FAM13A: variants seen among roughly 807,000 people sequenced by gnomAD.
FAM13A encodes protein FAM13A.
FAM13A carries 76 observed loss-of-function variants against 129.6 expected under a neutral mutation model. The ratio of observed to expected loss-of-function variants is 0.59; its 90% CI spans 0.49 to 0.71. FAM13A has a LOEUF of 0.71. Among genes scored for constraint, FAM13A ranks in the 30% least tolerant of loss-of-function variants. The probability of loss-of-function intolerance (pLI) is 0.00; values close to 1 mark genes in which losing one functional copy is unlikely to be tolerated. For missense variants in FAM13A, 1,108 were observed against 1,249.3 expected, an observed-to-expected ratio of 0.89 and a Z score of 1.70; for synonymous variants, 443 against 449.9, an observed-to-expected ratio of 0.98 and a Z score of 0.20.
At chr4:88,763,780 A>G (rs1220581722) in intron 13 of FAM13A, among the ~76,000 whole-genome samples, 2 of 152,212 alleles carry the variant, frequency 1.3e-5, no homozygotes, top group Non-Finnish European at 2.9e-5. Flanking sequence ...AGAAACTACA[A>G]TATTAACCGA....
At chr4:88,821,968 C>T (rs747618315) in intron 7 of FAM13A, among the ~76,000 whole-genome samples, 94 of 152,018 alleles carry the variant, frequency 6.2e-4, no homozygotes, top group Non-Finnish European at 1.2e-3. Flanking sequence ...TTTTTCATTG[C>T]TAAAACAAAA....
At position 88,973,962 on chromosome 4, in the gene FAM13A, G is replaced by T. The variant is rs574402685; in HGVS notation, c.605+17011C>A. Among the ~76,000 whole-genome samples, 109 of 152,314 alleles carry T rather than the reference G, an allele frequency of 7.2e-4. 1 individual carries two copies. Among genetic ancestry groups the T allele is most frequent in the Middle Eastern group, 3.4e-3 (1 of 294 alleles). ...TTCCCCCAGGTCAGTTAGGCCCTGA[G>T]AAATCCCTGGCAGGTTAGGCTCTGG... On this transcript the variant is annotated intron_variant, in intron 4 of 23. Coordinates refer to ENST00000264344, the MANE Select transcript of FAM13A (RefSeq NM_014883.4).
intron 7 of FAM13A, among the ~76,000 whole-genome samples, chr4:88,829,299 T>G (rs1032809718): frequency 6.6e-6 from 1 of 151,932 alleles, no homozygotes; most frequent in South Asian, 2.1e-4. Context: ...ATTAGCAGGG[T>G]ATGGTGGTAT....
intron 1 of FAM13A, among the ~76,000 whole-genome samples, chr4:89,048,945 CAAA>C (rs1771208438): frequency 6.6e-6 from 1 of 151,898 alleles, no homozygotes; most frequent in Non-Finnish European, 1.5e-5. Context: ...TTAACAAAGA[CAAA>C]GAAGATTTAA....
In FAM13A at chr4:88,732,172, A is replaced by G. The variant is rs375140704; in HGVS notation, c.2673T>C (p.Asp891=). The G allele has an allele frequency of 4.1e-5, 66 of 1,612,308 alleles. No individual in the cohort carries two copies. Among genetic ancestry groups the G allele is most frequent in the South Asian group, 8.8e-5 (8 of 90,800 alleles). ...CCATGAAGTCTGGCTTCACATTGCT[A>G]TCGTCTTCTGACCCCTCCTCTTCTT... ...IKEEEEGSED[D]SNVKPDFMVT... is the part of the protein sequence containing the mutation. The change falls in exon 22 of 24, where the codon GAT becomes GAC. Residue 891 remains aspartate (D), a synonymous_variant. Transcript: ENST00000264344.
chr4:88,895,018 T>C (rs1034020589), intron 6 of FAM13A, among the ~76,000 whole-genome samples: 1 of 152,156 alleles, frequency 6.6e-6, no homozygotes, highest in Admixed American at 6.5e-5. Flanking sequence ...TTTATACTAA[T>C]GATAAATTAG....
chr4:88,758,618 G>T (rs1744181457), intron 14 of FAM13A, 136 bp downstream of exon 14: 3 of 842,878 alleles, frequency 3.6e-6, no homozygotes, highest in South Asian at 3.9e-5. Flanking sequence ...AAGGATTTTC[G>T]GTCATTTGGA....
At position 88,772,637 on chromosome 4, in the gene FAM13A, G is replaced by A. The variant is rs143810581; in HGVS notation, c.1459-4578C>T. On this transcript the variant is annotated intron_variant, in intron 11 of 23. Transcript: ENST00000264344. Reference sequence around the variant, plus strand: ...CCATGGTAATTAGAAAATATCATAAGCCAAAAATGCATTTAGTACACTTAA... The same window carrying A: ...CCATGGTAATTAGAAAATATCATAAACCAAAAATGCATTTAGTACACTTAA... 7.2e-5 allele frequency among the ~76,000 whole-genome samples: 11 copies of A among 152,238 alleles called. 1 individual carries two copies. The highest frequency in any genetic ancestry group is 2.6e-4 in the African/African-American group (11 of 41,550).
intron 5 of FAM13A, among the ~76,000 whole-genome samples, chr4:88,931,871 TCTCA>T (rs1753089037): frequency 6.6e-6 from 1 of 152,196 alleles, no homozygotes; most frequent in Non-Finnish European, 1.5e-5. Context: ...AGCTAGTCAT[TCTCA>T]CTATGTAAGT....
intron 7 of FAM13A, among the ~76,000 whole-genome samples, chr4:88,817,371 T>C (rs544202224): frequency 4.1e-4 from 63 of 152,232 alleles, no homozygotes; most frequent in African/African-American, 1.4e-3. Flanking sequence ...GAGACTAGCC[T>C]GGCCAACATG....
At chr4:88,875,902 CAAT>C (rs1195520290) in intron 6 of FAM13A, among the ~76,000 whole-genome samples, 2 of 152,150 alleles carry the variant, frequency 1.3e-5, no homozygotes, top group African/African-American at 4.8e-5. Flanking sequence ...AAATGTCCAA[CAAT>C]GATAGACTGG....
chr4:89,040,636 C>G (rs1186287147), intron 1 of FAM13A, among the ~76,000 whole-genome samples: 1 of 152,178 alleles, frequency 6.6e-6, no homozygotes, highest in Admixed American at 6.5e-5. Context: ...CTGGTATAGT[C>G]TCACTGGGAA....
intron 2 of FAM13A, among the ~76,000 whole-genome samples, chr4:89,024,212 C>G (rs1367939636): frequency 1.3e-5 from 2 of 152,132 alleles, no homozygotes; most frequent in African/African-American, 4.8e-5. Context: ...TAACAGCACA[C>G]TTTGGCCAGG....
At chr4:88,773,875 G>A (rs778067565) in intron 11 of FAM13A, among the ~76,000 whole-genome samples, 3 of 152,148 alleles carry the variant, frequency 2.0e-5, no homozygotes, top group Non-Finnish European at 4.4e-5. Context: ...CTGCCAGAGT[G>A]ATCCTTTCAT....
chr4:88,806,426 G>A (rs984882837), intron 7 of FAM13A, among the ~76,000 whole-genome samples: 1 of 151,938 alleles, frequency 6.6e-6, no homozygotes, highest in Non-Finnish European at 1.5e-5. Context: ...AGTCTGCTTC[G>A]ACTGATAGTA....
rs1397871441 is a variant in FAM13A, at chr4:88,749,863, G to A, written c.1987C>T (p.Leu663=). The part of the protein sequence containing the change: ...LGSYDDEQED[L]TPAQLTRRIQ... The stretch of plus-strand genomic sequence containing the variant: ...CTTCGTGTGAGCTGGGCAGGTGTCA[G>A]GTCCTCTTGCTCATCATCATAGGAC... The change falls in exon 16 of 24, where the codon CTG becomes TTG. Residue 663 remains leucine, a synonymous_variant. Transcript: ENST00000264344. 5.0e-6 allele frequency: 8 copies of A among 1,613,980 alleles called. No homozygotes were observed. Among genetic ancestry groups the A allele is most frequent in the Non-Finnish European group, 6.8e-6 (8 of 1,180,016 alleles).
chr4:88,862,752 G>A (rs1739698189), intron 6 of FAM13A, among the ~76,000 whole-genome samples: 1 of 151,954 alleles, frequency 6.6e-6, no homozygotes, highest in Non-Finnish European at 1.5e-5. Context: ...CCCCCAGTTA[G>A]TGTACACGTA....
chr4:88,756,265 C>T (rs971015015), intron 14 of FAM13A, among the ~76,000 whole-genome samples: 11 of 152,172 alleles, frequency 7.2e-5, no homozygotes, highest in African/African-American at 2.2e-4. Flanking sequence ...TGACCAGACT[C>T]GGATCCTACA....
At position 88,767,608 on chromosome 4, in the gene FAM13A, G is replaced by A. The variant is rs1553967699; in HGVS notation, c.1536-13C>T. ...TTCATTTCCTTTCCTATAAATAATGGCAACAACAAAAAAATCATAAAATAT... is the reference window on the plus strand; with the variant it reads ...TTCATTTCCTTTCCTATAAATAATGACAACAACAAAAAAATCATAAAATAT... On this transcript the variant is annotated splice_polypyrimidine_tract_variant and intron_variant, in intron 12 of 23. Transcript: ENST00000264344. The A allele has an allele frequency of 1.9e-6, 3 of 1,580,914 alleles. No individual in the cohort carries two copies. Among genetic ancestry groups the A allele is most frequent in the South Asian group, 1.2e-5 (1 of 85,462 alleles).
Sources: allele counts gnomAD v4.1 joint callset (sites outside exome capture counted in the v4.1 genomes callset), GRCh38; gene constraint gnomAD v4.1.1; transcripts MANE v1.5; gene names NCBI Gene and HGNC (gene_info 2026-07-23, HGNC 2026-07-21).